The following CNTNAP4 variants were observed in gnomAD, a reference collection of about 807,000 sequenced individuals.
The protein encoded by CNTNAP4 is contactin-associated protein-like 4.
In CNTNAP4, 98 loss-of-function variants were observed where a neutral mutation model predicts 148.4. The observed-to-expected ratio is 0.66, with a 90% CI of 0.56 to 0.78. CNTNAP4 has a LOEUF of 0.78. Ranked by LOEUF, CNTNAP4 falls within the 30% of genes least tolerant of loss-of-function variation. CNTNAP4 has a pLI of 0.00. For missense variants in CNTNAP4, 1,935 were observed against 1,565.6 expected (o/e 1.24, Z -3.98); for synonymous variants, 730 against 565.1 (o/e 1.29, Z -4.14).
chr16:76,390,572 G>C lies in CNTNAP4; in HGVS notation c.390+35061G>C, dbSNP rs2016890757. On this transcript the variant is annotated intron_variant, in intron 3 of 23. Transcript: ENST00000611870. ...ATCTCTTCTGGCCCCATAAATAACAGGTAAAAAAAAAAAAAGCCCTGCTTG... is the reference window on the plus strand; with the variant it reads ...ATCTCTTCTGGCCCCATAAATAACACGTAAAAAAAAAAAAAGCCCTGCTTG... Among the ~76,000 whole-genome samples, 3 of 108,380 alleles carry C rather than the reference G, an allele frequency of 2.8e-5. No individual in the cohort carries two copies. In the South Asian group the frequency reaches 8.9e-4, roughly 32 times the overall value. The allele number at this position is 108,380 out of a possible 152,430, so 71.1% of individuals were successfully genotyped here. A position where few individuals can be genotyped will look rare whatever the true frequency, so the allele number is the denominator to read the frequency against.
At chr16:76,320,477 G>A (rs1962290729) in intron 2 of CNTNAP4, among the ~76,000 whole-genome samples, 1 of 152,174 alleles carries the variant, frequency 6.6e-6, no homozygotes, top group Non-Finnish European at 1.5e-5. Context: ...TTAAGGATGG[G>A]TAGGACAGAT....
At chr16:76,441,340 C>T in intron 4 of CNTNAP4, among the ~76,000 whole-genome samples, 1 of 152,154 alleles carries the variant, frequency 6.6e-6, no homozygotes, top group East Asian at 1.9e-4. Flanking sequence ...ACATCTGACA[C>T]AACTCCCTGA....
intron 4 of CNTNAP4, among the ~76,000 whole-genome samples, chr16:76,437,939 A>G (rs893575930): frequency 6.6e-6 from 1 of 152,144 alleles, no homozygotes; most frequent in South Asian, 2.1e-4. Context: ...ATAAAATTAT[A>G]AGTGTTAAAT....
At chr16:76,501,887 G>A (rs2082661811) in intron 15 of CNTNAP4, among the ~76,000 whole-genome samples, 2 of 152,096 alleles carry the variant, frequency 1.3e-5, no homozygotes, top group African/African-American at 4.8e-5. Flanking sequence ...CGGCTAAACG[G>A]TGAAACCCCG....
chr16:76,392,305 G>A lies in CNTNAP4; in HGVS notation c.391-35147G>A, dbSNP rs529480059. Among the ~76,000 whole-genome samples, 3 of 152,156 alleles carry A rather than the reference G, an allele frequency of 2.0e-5. No homozygotes were observed. In the South Asian group the frequency reaches 6.2e-4, roughly 32 times the overall value. ...CACTGTGCCTGGGTCTTCCTAATGT[G>A]TTTTAAATGGAGAGTTACGTTAGGA... On this transcript the variant is annotated intron_variant, in intron 3 of 23. Transcript: ENST00000611870.
chr16:76,283,459 C>T (rs56369096), intron 1 of CNTNAP4, among the ~76,000 whole-genome samples: 5,999 of 151,994 alleles, frequency 0.039, 414 homozygotes, highest in African/African-American at 0.14. Context: ...ACATATACAC[C>T]GTGGAATACT....
At chr16:76,296,893 TG>T in intron 1 of CNTNAP4, among the ~76,000 whole-genome samples, 6 of 152,168 alleles carry the variant, frequency 3.9e-5, no homozygotes, top group African/African-American at 1.4e-4. Flanking sequence ...TTAAATCTTA[TG>T]AGATTTAAAA....
intron 2 of CNTNAP4, among the ~76,000 whole-genome samples, chr16:76,346,091 G>C (rs17698959): frequency 2.0e-5 from 3 of 151,990 alleles, no homozygotes; most frequent in Non-Finnish European, 4.4e-5. Context: ...AATAAAGCAT[G>C]TAATTCTATA....
At chr16:76,381,334 C>A (rs1242215030) in intron 3 of CNTNAP4, among the ~76,000 whole-genome samples, 1 of 152,122 alleles carries the variant, frequency 6.6e-6, no homozygotes, top group Non-Finnish European at 1.5e-5. Flanking sequence ...CAGTAGCCTC[C>A]CAGTGCCCCC....
chr16:76,486,908 G>A (rs2082049547), intron 12 of CNTNAP4, among the ~76,000 whole-genome samples: 1 of 152,180 alleles, frequency 6.6e-6, no homozygotes, highest in South Asian at 2.1e-4. Flanking sequence ...GGAAATTGAG[G>A]TATGAGAGAT....
chr16:76,457,232 CA>C (rs957688991), intron 8 of CNTNAP4, among the ~76,000 whole-genome samples: 3 of 152,238 alleles, frequency 2.0e-5, no homozygotes, highest in African/African-American at 7.2e-5. Flanking sequence ...TGTATAGCTA[CA>C]AAACAATTAG....
intron 3 of CNTNAP4, among the ~76,000 whole-genome samples, chr16:76,376,412 A>C (rs1407797980): frequency 2.6e-5 from 4 of 152,222 alleles, no homozygotes; most frequent in Non-Finnish European, 5.9e-5. Flanking sequence ...AGAGGATTCA[A>C]ATCACAGTTG....
chr16:76,556,990 G>A (rs540073891), intron 23 of CNTNAP4, among the ~76,000 whole-genome samples: 3 of 152,048 alleles, frequency 2.0e-5, no homozygotes, highest in East Asian at 1.9e-4. Context: ...CTCGCACTCC[G>A]TTACAGTTGT....
intron 4 of CNTNAP4, among the ~76,000 whole-genome samples, chr16:76,444,576 A>T (rs1436991150): frequency 1.4e-5 from 2 of 139,530 alleles, no homozygotes. Flanking sequence ...CAAAAGATTA[A>T]TTTTTTCAGG....
At chr16:76,544,761 C>T (rs2084633527) in intron 21 of CNTNAP4, among the ~76,000 whole-genome samples, 1 of 152,182 alleles carries the variant, frequency 6.6e-6, no homozygotes, top group Non-Finnish European at 1.5e-5. Flanking sequence ...CACTCTTTCT[C>T]AGCATATAGC....
intron 2 of CNTNAP4, among the ~76,000 whole-genome samples, chr16:76,329,419 A>AT (rs1963305234): frequency 6.6e-6 from 1 of 152,190 alleles, no homozygotes; most frequent in Non-Finnish European, 1.5e-5. Flanking sequence ...TAGCTTTACT[A>AT]TTTATAGTTT....
intron 3 of CNTNAP4, among the ~76,000 whole-genome samples, chr16:76,404,781 TATG>T (rs1450519055): frequency 6.6e-6 from 1 of 152,180 alleles, no homozygotes; most frequent in Non-Finnish European, 1.5e-5. Context: ...CTTCAAAATT[TATG>T]ATAATGGCTT....
chr16:76,296,044 C>T (rs1048456488), intron 1 of CNTNAP4, among the ~76,000 whole-genome samples: 4 of 152,170 alleles, frequency 2.6e-5, no homozygotes, highest in African/African-American at 9.7e-5. Context: ...CTAAACTTCT[C>T]TACAAAGGAT....
At chr16:76,445,285 C>T (rs988798253) in intron 4 of CNTNAP4, among the ~76,000 whole-genome samples, 3 of 152,084 alleles carry the variant, frequency 2.0e-5, no homozygotes, top group African/African-American at 4.8e-5. Flanking sequence ...GATCAGAATG[C>T]CTGTTACAAC....
Sources: allele counts gnomAD v4.1 joint callset (sites outside exome capture counted in the v4.1 genomes callset), GRCh38; gene constraint gnomAD v4.1.1; transcripts MANE v1.5; gene names NCBI Gene and HGNC (gene_info 2026-07-23, HGNC 2026-07-21).